NKAIN2: variants seen among roughly 807,000 people sequenced by gnomAD.
The protein encoded by NKAIN2 is sodium/potassium-transporting ATPase subunit beta-1-interacting protein 2.
Under a neutral mutation model 32.6 loss-of-function variants are expected in NKAIN2, and 14 were observed. That is an observed-to-expected ratio of 0.43 (90% CI 0.28 to 0.67). The LOEUF (loss-of-function observed/expected upper bound fraction) is 0.67, where lower values mean the gene tolerates loss of function less well. Among genes scored for constraint, NKAIN2 ranks in the 30% least tolerant of loss-of-function variants. NKAIN2 has a pLI of 0.17. For missense variants in NKAIN2, 198 were observed against 258.3 expected (o/e 0.77, Z 1.60); for synonymous variants, 80 against 87.2 (o/e 0.92, Z 0.46).
chr6:124,425,984 T>G (rs1270563103), intron 3 of NKAIN2, among the ~76,000 whole-genome samples: 1 of 152,128 alleles, frequency 6.6e-6, no homozygotes, highest in Non-Finnish European at 1.5e-5. Context: ...AATAAATCCT[T>G]AATAGCAAAC....
chr6:124,121,573 G>T (rs770897038), intron 1 of NKAIN2, among the ~76,000 whole-genome samples: 2 of 151,990 alleles, frequency 1.3e-5, no homozygotes, highest in African/African-American at 4.8e-5. Context: ...TGGAAGACAC[G>T]TTCAGATTTC....
intron 2 of NKAIN2, among the ~76,000 whole-genome samples, chr6:124,299,007 C>T (rs972307068): frequency 3.9e-5 from 6 of 152,186 alleles, no homozygotes; most frequent in African/African-American, 9.6e-5. Flanking sequence ...TTTTAATCCA[C>T]TTAAATGTTT....
intron 3 of NKAIN2, among the ~76,000 whole-genome samples, chr6:124,427,849 G>A (rs961685028): frequency 1.3e-5 from 2 of 151,980 alleles, no homozygotes; most frequent in African/African-American, 4.8e-5. Flanking sequence ...TAGGTCGTTC[G>A]GGGCTACAAA....
chr6:124,344,831 T>G (rs1161887498), intron 2 of NKAIN2, among the ~76,000 whole-genome samples: 1 of 152,200 alleles, frequency 6.6e-6, no homozygotes, highest in Non-Finnish European at 1.5e-5. Context: ...TATTTCCTTC[T>G]ACTGCCTGAT....
At chr6:123,895,245 A>ACAGCAGCAG (rs560084577) in intron 1 of NKAIN2, among the ~76,000 whole-genome samples, 2 of 151,286 alleles carry the variant, frequency 1.3e-5, no homozygotes, top group South Asian at 2.1e-4. Flanking sequence ...ACACACAGCA[A>ACAGCAGCAG]CAGCAGCAGC....
At chr6:124,086,768 G>T (rs963242232) in intron 1 of NKAIN2, among the ~76,000 whole-genome samples, 2 of 151,868 alleles carry the variant, frequency 1.3e-5, no homozygotes, top group African/African-American at 4.8e-5. Flanking sequence ...ATGAAAAATA[G>T]TCTTATATTA....
chr6:123,870,467 G>A (rs911222995), intron 1 of NKAIN2, among the ~76,000 whole-genome samples: 1 of 152,118 alleles, frequency 6.6e-6, no homozygotes, highest in Admixed American at 6.5e-5. Flanking sequence ...AAATCTTAGT[G>A]CTGTCACTTT....
chr6:124,076,473 T>A (rs1363334663), intron 1 of NKAIN2, among the ~76,000 whole-genome samples: 1 of 152,200 alleles, frequency 6.6e-6, no homozygotes, highest in Non-Finnish European at 1.5e-5. Flanking sequence ...TTTGCTAGGC[T>A]GTTTATGAGG....
intron 1 of NKAIN2, among the ~76,000 whole-genome samples, chr6:124,064,556 A>G (rs1303809066): frequency 6.6e-6 from 1 of 152,064 alleles, no homozygotes; most frequent in Non-Finnish European, 1.5e-5. Context: ...CAAAATCTCC[A>G]GATCTATTTC....
chr6:124,404,695 A>G (rs1485289510), intron 3 of NKAIN2, among the ~76,000 whole-genome samples: 1 of 152,058 alleles, frequency 6.6e-6, no homozygotes. Context: ...TGAATATTTT[A>G]TGTATACTTT....
At chr6:124,463,123 A>C (rs1484822835) in intron 3 of NKAIN2, among the ~76,000 whole-genome samples, 5 of 152,088 alleles carry the variant, frequency 3.3e-5, no homozygotes, top group African/African-American at 1.2e-4. Flanking sequence ...TTTTTAGATA[A>C]AGCTGAGATT....
chr6:124,299,368 A>G (rs1015247), intron 2 of NKAIN2, among the ~76,000 whole-genome samples: 1 of 152,002 alleles, frequency 6.6e-6, no homozygotes, highest in African/African-American at 2.4e-5. Context: ...GAAACTCAGG[A>G]CTTTTAGAAT....
intron 3 of NKAIN2, among the ~76,000 whole-genome samples, chr6:124,577,198 T>C (rs1420999974): frequency 6.6e-6 from 1 of 152,028 alleles, no homozygotes; most frequent in Non-Finnish European, 1.5e-5. Flanking sequence ...GAACACCAAA[T>C]TGAACAACTA....
At chr6:124,293,644 T>G (rs567054852) in intron 2 of NKAIN2, among the ~76,000 whole-genome samples, 1 of 152,296 alleles carries the variant, frequency 6.6e-6, no homozygotes, top group East Asian at 1.9e-4. Flanking sequence ...TGATATAAAT[T>G]TCATCAGAGC....
At chr6:124,461,212 C>T (rs931346922) in intron 3 of NKAIN2, among the ~76,000 whole-genome samples, 1 of 151,626 alleles carries the variant, frequency 6.6e-6, no homozygotes, top group Admixed American at 6.6e-5. Context: ...AACCTGGCTT[C>T]GAATGTGCTG....
At chr6:124,421,088 A>AC (rs1180890755) in intron 3 of NKAIN2, among the ~76,000 whole-genome samples, 4 of 151,526 alleles carry the variant, frequency 2.6e-5, no homozygotes, top group South Asian at 2.1e-4. Context: ...AAAAAAAAAA[A>AC]AAAAAACATG....
intron 1 of NKAIN2, among the ~76,000 whole-genome samples, chr6:124,083,129 CA>C (rs1347426003): frequency 6.6e-6 from 1 of 151,720 alleles, no homozygotes; most frequent in African/African-American, 2.4e-5. Flanking sequence ...TGTTTGTATA[CA>C]AAATATTTAT....
intron 1 of NKAIN2, among the ~76,000 whole-genome samples, chr6:123,944,494 T>C (rs1183370391): frequency 6.6e-6 from 1 of 152,044 alleles, no homozygotes; most frequent in Non-Finnish European, 1.5e-5. Context: ...GGAAGTTTCA[T>C]GGAATCATGT....
At chr6:124,585,203 G>A (rs1363417259) in intron 3 of NKAIN2, among the ~76,000 whole-genome samples, 1 of 152,148 alleles carries the variant, frequency 6.6e-6, no homozygotes, top group African/African-American at 2.4e-5. Flanking sequence ...AAATATGCAG[G>A]CACAGAAAGG....
Sources: allele counts gnomAD v4.1 joint callset (sites outside exome capture counted in the v4.1 genomes callset), GRCh38; gene constraint gnomAD v4.1.1; transcripts MANE v1.5; gene names NCBI Gene and HGNC (gene_info 2026-07-23, HGNC 2026-07-21).